The following FBXO22 variants were observed in gnomAD, a reference collection of about 807,000 sequenced individuals.
The protein encoded by FBXO22 is F-box only protein 22.
A neutral mutation model predicts 37.2 loss-of-function variants in FBXO22; 13 were observed. The ratio of observed to expected loss-of-function variants is 0.35; its 90% CI spans 0.23 to 0.56. The LOEUF (loss-of-function observed/expected upper bound fraction) is 0.56, where lower values mean the gene tolerates loss of function less well. FBXO22 is among the 20% of genes least tolerant of loss of function. The probability of loss-of-function intolerance (pLI) is 0.87; values close to 1 mark genes in which losing one functional copy is unlikely to be tolerated. For synonymous variants in FBXO22, 189 were observed against 189.1 expected, an observed-to-expected ratio of 1.00 and a Z score of 0.00; for missense variants, 446 against 509.9, an observed-to-expected ratio of 0.87 and a Z score of 1.21.
rs759179130 is a variant in FBXO22 at position 75,933,710 on chromosome 15, TCTTTC to T, written c.*612_*616del. The T allele has an allele frequency of 2.7e-5, 8 of 299,626 alleles. No individual in the cohort carries two copies. The highest frequency in any genetic ancestry group is 1.7e-4 in the South Asian group (6 of 34,912). 18.6% of individuals were successfully genotyped at this position (299,626 alleles called of 1,614,324 possible). On this transcript the variant is annotated 3_prime_UTR_variant, in exon 7 of 7. Transcript: ENST00000308275. ...TTTATTATAAGTAAAAGATTTTTCTTCTTTCCTTAAAAATATTTTTTTTTCACCTA... is the reference window on the plus strand; with the variant it reads ...TTTATTATAAGTAAAAGATTTTTCTTCTTAAAAATATTTTTTTTTCACCTA...
chr15:75,914,770 G>A (rs1900144863), intron 4 of FBXO22, among the ~76,000 whole-genome samples: 1 of 152,106 alleles, frequency 6.6e-6, no homozygotes, highest in South Asian at 2.1e-4. Flanking sequence ...ACCTGGATTC[G>A]AATGCCGGCT....
chr15:75,907,323 A>G (rs1350016448), intron 2 of FBXO22, among the ~76,000 whole-genome samples: 5 of 152,258 alleles, frequency 3.3e-5, no homozygotes, highest in Non-Finnish European at 7.3e-5. Context: ...TTAAATAATG[A>G]AAAGGTAATG....
In FBXO22 at chr15:75,940,746, T is replaced by TC. The variant is rs1204023064; in HGVS notation, c.*7645dup. 2 of 149,172 alleles carry TC rather than the reference T, an allele frequency of 1.3e-5. No homozygotes were observed. Among genetic ancestry groups the TC allele is most frequent in the Non-Finnish European group, 3.0e-5 (2 of 67,298 alleles). 9.2% of individuals were successfully genotyped at this position (149,172 alleles called of 1,614,324 possible). On this transcript the variant is annotated 3_prime_UTR_variant, in exon 7 of 7. Coordinates refer to ENST00000308275, the MANE Select transcript of FBXO22 (RefSeq NM_147188.3). The stretch of plus-strand genomic sequence containing the variant: ...CAAGGCTATTCCAAGGATAGTTTTT[T>TC]CAACAAATAATGATGGGAAAGCTGG...
chr15:75,930,150 T>C, intron 6 of FBXO22, 101 bp downstream of exon 6: 1 of 1,582,540 alleles, frequency 6.3e-7, no homozygotes, highest in South Asian at 1.1e-5. Flanking sequence ...TTTAAAGAAT[T>C]ATTAAGATAA....
intron 6 of FBXO22, chr15:75,930,537 C>G (rs974024207): frequency 1.0e-6 from 1 of 986,660 alleles, no homozygotes. Flanking sequence ...TCTTGCAAGT[C>G]GTACTGGTTT....
At chr15:75,907,385 A>G (rs1489118118) in intron 2 of FBXO22, among the ~76,000 whole-genome samples, 1 of 152,264 alleles carries the variant, frequency 6.6e-6, no homozygotes, top group Non-Finnish European at 1.5e-5. Flanking sequence ...ATAGATGTCT[A>G]TTAAATATTC....
rs118004999 is a variant in FBXO22, at chr15:75,917,581, A to G, written c.628+187A>G. Among the ~76,000 whole-genome samples, 10 of 152,342 alleles carry G rather than the reference A, an allele frequency of 6.6e-5. No homozygotes were observed. The East Asian group carries it at 1.7e-3, about 26-fold the overall frequency. On this transcript the variant is annotated intron_variant, in intron 5 of 6. Coordinates refer to ENST00000308275, the MANE Select transcript of FBXO22 (RefSeq NM_147188.3). ...GCCAGTGTGATACATGTTTGGTAGAATTGATTTACTTTTTAAATTATTTTA... is the reference window on the plus strand; with the variant it reads ...GCCAGTGTGATACATGTTTGGTAGAGTTGATTTACTTTTTAAATTATTTTA...
At chr15:75,926,919 G>A (rs964728770) in intron 5 of FBXO22, among the ~76,000 whole-genome samples, 2 of 152,202 alleles carry the variant, frequency 1.3e-5, no homozygotes, top group Non-Finnish European at 2.9e-5. Flanking sequence ...CATCTGGGAA[G>A]ATAAGCTTGC....
At chr15:75,928,117 G>A (rs1295479998) in intron 5 of FBXO22, among the ~76,000 whole-genome samples, 2 of 152,098 alleles carry the variant, frequency 1.3e-5, no homozygotes, top group East Asian at 3.8e-4. Flanking sequence ...TGGCAAGTTT[G>A]TGGAGAAAAA....
intron 5 of FBXO22, among the ~76,000 whole-genome samples, chr15:75,924,910 AG>A (rs1900407312): frequency 6.6e-6 from 1 of 152,196 alleles, no homozygotes; most frequent in South Asian, 2.1e-4. Context: ...ACTTTCTTCT[AG>A]GTGAAGCACA....
rs1232900880 is a variant in FBXO22 at position 75,937,112 on chromosome 15, A to T, written c.*4010A>T. On this transcript the variant is annotated 3_prime_UTR_variant, in exon 7 of 7. Transcript: ENST00000308275. The stretch of plus-strand genomic sequence containing the variant: ...AAACATACTCTATTCAAGGTCTTGT[A>T]ATAAAATTATAGGGAGGAATAAAAC... The T allele has an allele frequency of 6.6e-6, 1 of 152,120 alleles. No individual in the cohort carries two copies. Among genetic ancestry groups the T allele is most frequent in the African/African-American group, 2.4e-5 (1 of 41,428 alleles). 9.4% of individuals were successfully genotyped at this position (152,120 alleles called of 1,614,324 possible).
chr15:75,925,955 G>A (rs563780854), intron 5 of FBXO22, among the ~76,000 whole-genome samples: 1 of 152,286 alleles, frequency 6.6e-6, no homozygotes, highest in African/African-American at 2.4e-5. Context: ...ACATCTCTTG[G>A]TGGACAACTA....
At position 75,911,392 on chromosome 15, in the gene FBXO22, T is replaced by C. The variant is rs192585594; in HGVS notation, c.280-1811T>C. Among the ~76,000 whole-genome samples, 16 of 152,260 alleles carry C rather than the reference T, an allele frequency of 1.1e-4. No homozygotes were observed. The East Asian group carries it at 2.9e-3, about 28-fold the overall frequency. On this transcript the variant is annotated intron_variant, in intron 2 of 6. Transcript: ENST00000308275. Reference sequence around the variant, plus strand: ...TTCACGATATCGATTCTTCCTATCCTTGAGCATGGAATGTTTTTCCATTTG... The same window carrying C: ...TTCACGATATCGATTCTTCCTATCCCTGAGCATGGAATGTTTTTCCATTTG...
chr15:75,908,317 G>C (rs1595910592), intron 2 of FBXO22, among the ~76,000 whole-genome samples: 2 of 151,368 alleles, frequency 1.3e-5, no homozygotes, highest in East Asian at 3.9e-4. Flanking sequence ...CTGTCGCCCA[G>C]GCTGGATTGC....
Position 75,936,950 on chromosome 15 carries a change from A to C in FBXO22, c.*3848A>C. The C allele has an allele frequency of 6.6e-6, 1 of 152,152 alleles. No homozygotes were observed. The highest frequency in any genetic ancestry group is 1.9e-4 in the East Asian group (1 of 5,204). The allele number at this position is 152,152 out of a possible 1,614,324, so 9.4% of individuals were successfully genotyped here. A position where few individuals can be genotyped will look rare whatever the true frequency, so the allele number is the denominator to read the frequency against. Reference sequence around the variant, plus strand: ...CTGTTAGCCAGTAAAAACAGGGAAGATTGATTAATTTAGAAGAAATTGAAA... The same window carrying C: ...CTGTTAGCCAGTAAAAACAGGGAAGCTTGATTAATTTAGAAGAAATTGAAA... On this transcript the variant is annotated 3_prime_UTR_variant, in exon 7 of 7. Transcript: ENST00000308275.
chr15:75,909,550 G>C (rs369034975), intron 2 of FBXO22, among the ~76,000 whole-genome samples: 1 of 152,176 alleles, frequency 6.6e-6, no homozygotes, highest in East Asian at 1.9e-4. Context: ...TTCAAATAAA[G>C]CAAGTGCATC....
intron 5 of FBXO22, among the ~76,000 whole-genome samples, chr15:75,920,827 A>AT (rs1900304808): frequency 1.3e-5 from 2 of 152,182 alleles, no homozygotes; most frequent in Admixed American, 1.3e-4. Context: ...TGTCTCAAAA[A>AT]TAAATAAATA....
intron 6 of FBXO22, among the ~76,000 whole-genome samples, chr15:75,931,954 C>T (rs1183571699): frequency 6.6e-6 from 1 of 152,204 alleles, no homozygotes; most frequent in African/African-American, 2.4e-5. Context: ...TGGCTCATGC[C>T]TGTAATCCCA....
intron 4 of FBXO22, among the ~76,000 whole-genome samples, chr15:75,914,849 A>AGGAAGTGG (rs777757312): frequency 1.4e-4 from 21 of 152,314 alleles, no homozygotes; most frequent in African/African-American, 1.7e-4. Flanking sequence ...GTCCTCATCA[A>AGGAAGTGG]GGAAGTGGGG....
Sources: allele counts gnomAD v4.1 joint callset (sites outside exome capture counted in the v4.1 genomes callset), GRCh38; gene constraint gnomAD v4.1.1; transcripts MANE v1.5; gene names NCBI Gene and HGNC (gene_info 2026-07-23, HGNC 2026-07-21).